Variants in CRTAM observed in about 807,000 individuals in gnomAD.
CRTAM encodes cytotoxic and regulatory T cell molecule.
In CRTAM, 44 loss-of-function variants were observed where a neutral mutation model predicts 50.0. The observed-to-expected ratio is 0.88, with a 90% CI of 0.69 to 1.13. The LOEUF (loss-of-function observed/expected upper bound fraction) is 1.13. CRTAM is among the 50% of genes most tolerant of loss of function. The pLI, the probability that CRTAM is intolerant of heterozygous loss-of-function variation, is 0.00. For missense variants in CRTAM, 448 were observed against 457.5 expected, an observed-to-expected ratio of 0.98 and a Z score of 0.19; for synonymous variants, 159 against 169.3, an observed-to-expected ratio of 0.94 and a Z score of 0.47.
rs766232974 is a variant in CRTAM at position 122,838,544 on chromosome 11, A to G, written c.-3A>G. ...CAAAGGTGCCACAGCAGCACAGCAC[A>G]GTATGTGGTGGAGAGTTCTCAGCTT... On this transcript the variant is annotated 5_prime_UTR_variant, in exon 1 of 10. Transcript: ENST00000227348. 1.2e-6 allele frequency: 2 copies of G among 1,614,034 alleles called. No individual in the cohort carries two copies. Among genetic ancestry groups the G allele is most frequent in the African/African-American group, 2.7e-5 (2 of 74,952 alleles).
intron 1 of CRTAM, among the ~76,000 whole-genome samples, chr11:122,848,097 G>T (rs747114505): frequency 6.6e-6 from 1 of 152,208 alleles, no homozygotes; most frequent in Non-Finnish European, 1.5e-5. Context: ...CCTGGGGTCA[G>T]AAGAACTGAT....
intron 5 of CRTAM, among the ~76,000 whole-genome samples, chr11:122,858,730 T>C (rs1468179796): frequency 6.6e-6 from 1 of 152,218 alleles, no homozygotes; most frequent in Admixed American, 6.5e-5. Flanking sequence ...AATCTCATTA[T>C]GGTGCCCAGG....
chr11:122,850,034 C>T lies in CRTAM; in HGVS notation c.47-34C>T, dbSNP rs147669776. 8,770 of 1,552,900 alleles carry T rather than the reference C, an allele frequency of 5.6e-3. 38 individuals are homozygous for T. Among genetic ancestry groups the T allele is most frequent in the Non-Finnish European group, 7.1e-3 (8,071 of 1,143,222 alleles). ...AAATCCCTGAGACACTGTGGACCCC[C>T]GGCCTGATCATCCCCATTTCTCTTC... On this transcript the variant is annotated intron_variant, in intron 1 of 9. Transcript: ENST00000227348.
Position 122,855,839 on chromosome 11 carries a change from T to C in CRTAM, c.635T>C (p.Phe212Ser). 1 of 1,612,728 alleles carries C rather than the reference T, an allele frequency of 6.2e-7. No homozygotes were observed. The highest frequency in any genetic ancestry group is 8.5e-7 in the Non-Finnish European group (1 of 1,179,592). ...CAAGGGAGAAAACTAGTAGCACCCT[T>C]CCGGTTTGAAGATTTGGGTAAGAAG... ...GLQGRKLVAP[F>S]RFEDLVTDEE... Residue 212 changes from phenylalanine to serine, a missense_variant, in exon 5 of 10, where the codon TTC becomes TCC. Coordinates refer to ENST00000227348, the MANE Select transcript of CRTAM (RefSeq NM_019604.4).
chr11:122,854,431 G>A (rs1350580300), intron 4 of CRTAM, among the ~76,000 whole-genome samples: 1 of 152,154 alleles, frequency 6.6e-6, no homozygotes, highest in Non-Finnish European at 1.5e-5. Flanking sequence ...CCAGCACTTT[G>A]GGAGGCCAAG....
intron 1 of CRTAM, among the ~76,000 whole-genome samples, chr11:122,849,653 C>T (rs536452602): frequency 3.0e-4 from 46 of 151,810 alleles, no homozygotes; most frequent in Admixed American, 4.6e-4. Flanking sequence ...ACCCAGGAGG[C>T]GGAGGATGTA....
chr11:122,853,291 C>T (rs1237202241), intron 3 of CRTAM, among the ~76,000 whole-genome samples: 1 of 151,806 alleles, frequency 6.6e-6, no homozygotes, highest in Non-Finnish European at 1.5e-5. Flanking sequence ...AGGATGGTCT[C>T]GATCTCCTGA....
chr11:122,845,125 G>C (rs1389663393), intron 1 of CRTAM, among the ~76,000 whole-genome samples: 4 of 152,166 alleles, frequency 2.6e-5, no homozygotes, highest in African/African-American at 9.7e-5. Flanking sequence ...ATAGAGCTGA[G>C]GAGCAGCAGC....
chr11:122,867,577 C>T lies in CRTAM; in HGVS notation c.964+22C>T, dbSNP rs561584007. On this transcript the variant is annotated intron_variant, in intron 8 of 9. Transcript: ENST00000227348. Reference sequence around the variant, plus strand: ...AAAGGTCAGTGGGCAGGGAACCTGACGGGGGCTATAAGACGCCAGAACAAA... The same window carrying T: ...AAAGGTCAGTGGGCAGGGAACCTGATGGGGGCTATAAGACGCCAGAACAAA... The T allele has an allele frequency of 4.2e-5, 68 of 1,604,578 alleles. 1 individual carries two copies. The highest frequency in any genetic ancestry group is 3.9e-4 in the South Asian group (35 of 89,758).
At chr11:122,862,613 T>C (rs1279006626) in intron 6 of CRTAM, 69 bp downstream of exon 6, 1 of 1,014,340 alleles carries the variant, frequency 9.9e-7, no homozygotes. Flanking sequence ...ATTTTTCTCA[T>C]TCTAAGTTTT....
At chr11:122,844,366 G>T (rs940905528) in intron 1 of CRTAM, among the ~76,000 whole-genome samples, 1 of 152,164 alleles carries the variant, frequency 6.6e-6, no homozygotes, top group Non-Finnish European at 1.5e-5. Flanking sequence ...CCCAATGCAG[G>T]CTTTCTGTTT....
At chr11:122,867,929 A>G in intron 8 of CRTAM, 84 bp from the exon 9 acceptor site, 2 of 807,620 alleles carry the variant, frequency 2.5e-6, no homozygotes. Flanking sequence ...ATTGCACAGT[A>G]ACAGAGGTAT....
intron 1 of CRTAM, among the ~76,000 whole-genome samples, chr11:122,841,398 T>C (rs1861795729): frequency 7.7e-6 from 1 of 129,234 alleles, no homozygotes; most frequent in South Asian, 2.4e-4. Flanking sequence ...TATATACTTT[T>C]ACTCTATTTT....
chr11:122,854,005 G>A lies in CRTAM; in HGVS notation c.409G>A (p.Val137Ile), dbSNP rs1238353571. ...VIRKQNGEEH[V>I]VLMCSTMRSK... ...CAGAAAGCAAAATGGAGAAGAACAT[G>A]TTGTACTCATGTGCTCCACCATGAG... The change falls in exon 4 of 10, where the codon GTT (valine) becomes ATT (isoleucine). Residue 137 changes from valine (V) to isoleucine (I), a missense_variant. Val to Ile is a conservative substitution (Grantham distance 29). Coordinates refer to ENST00000227348, the MANE Select transcript of CRTAM (RefSeq NM_019604.4). 10 of 1,613,982 alleles carry A rather than the reference G, an allele frequency of 6.2e-6. No homozygotes were observed. Among genetic ancestry groups the A allele is most frequent in the South Asian group, 3.3e-5 (3 of 91,070 alleles).
rs181966288 is a variant in CRTAM, at chr11:122,866,852, C to T, written c.818-557C>T. Among the ~76,000 whole-genome samples the T allele has an allele frequency of 1.4e-4, 22 of 152,052 alleles. No individual in the cohort carries two copies. The East Asian group carries it at 3.5e-3, about 24-fold the overall frequency. Reference sequence around the variant, plus strand: ...TCTCAAACTCCTGGCCTCAAGCAACCCTCCCATCCCAGCCTCCCAAAGTGC... The same window carrying T: ...TCTCAAACTCCTGGCCTCAAGCAACTCTCCCATCCCAGCCTCCCAAAGTGC... On this transcript the variant is annotated intron_variant, in intron 7 of 9. Transcript: ENST00000227348.
At chr11:122,845,140 A>C (rs1861847346) in intron 1 of CRTAM, among the ~76,000 whole-genome samples, 1 of 152,196 alleles carries the variant, frequency 6.6e-6, no homozygotes, top group Non-Finnish European at 1.5e-5. Flanking sequence ...AGCAGCTGCC[A>C]GTGAGTTAGG....
chr11:122,867,456 C>T lies in CRTAM; in HGVS notation c.865C>T (p.Leu289=), dbSNP rs1271568202. The T allele has an allele frequency of 6.2e-7, 1 of 1,613,946 alleles. No homozygotes were observed. The highest frequency in any genetic ancestry group is 1.7e-5 in the Admixed American group (1 of 60,006). The change falls in exon 8 of 10, where the codon CTG becomes TTG. Residue 289 remains leucine, a synonymous_variant. Transcript: ENST00000227348. ...LGLARKKSGI[L]LLTLVSFLIF... ...ACTGGCAAGAAAGAAAAGTGGCATC[C>T]TGCTGCTCACGCTGGTGTCCTTCCT...
intron 6 of CRTAM, among the ~76,000 whole-genome samples, chr11:122,863,331 A>AAGAG: frequency 1.1e-5 from 1 of 90,238 alleles, no homozygotes; most frequent in Non-Finnish European, 2.9e-5. Context: ...AAAAGAAAGA[A>AAGAG]AGAAAGAAAG....
intron 1 of CRTAM, among the ~76,000 whole-genome samples, chr11:122,845,665 C>T (rs1015344721): frequency 2.0e-5 from 3 of 151,964 alleles, no homozygotes; most frequent in Non-Finnish European, 4.4e-5. Context: ...TGAGATCATG[C>T]CACTGCACTG....
Sources: gnomAD v4.1 joint callset for allele counts (sites outside exome capture counted in the v4.1 genomes callset) on GRCh38, gnomAD v4.1.1 for gene constraint, MANE v1.5 for transcripts, NCBI Gene and HGNC (gene_info 2026-07-23, HGNC 2026-07-21) for gene names.